Variants in C22orf23 observed in about 807,000 individuals in gnomAD.
The protein encoded by C22orf23 is UPF0193 protein EVG1.
C22orf23 carries 30 observed loss-of-function variants against 29.7 expected under a neutral mutation model. The observed-to-expected ratio is 1.01, with a 90% confidence interval of 0.76 to 1.37. C22orf23 has a LOEUF of 1.37. Among genes scored for constraint, C22orf23 ranks in the 40% most tolerant of loss-of-function variants. The pLI is 0.00. For missense variants in C22orf23, 237 were observed against 273.1 expected (o/e 0.87, Z 0.93); for synonymous variants, 90 against 96.1 (o/e 0.94, Z 0.37).
intron 3 of C22orf23, among the ~76,000 whole-genome samples, chr22:37,949,449 A>ATTTT (rs71195070): frequency 4.2e-5 from 3 of 70,920 alleles, no homozygotes; most frequent in African/African-American, 5.9e-5. Flanking sequence ...CGCCTGGCTA[A>ATTTT]TTTTTTTTTT....
At position 37,950,261 on chromosome 22, in the gene C22orf23, C is replaced by T. The variant is rs545338851; in HGVS notation, c.166+1199G>A. 7.9e-5 allele frequency among the ~76,000 whole-genome samples: 12 copies of T among 151,390 alleles called. No individual in the cohort carries two copies. In the South Asian group the frequency reaches 1.5e-3, roughly 19 times the overall value. On this transcript the variant is annotated intron_variant, in intron 3 of 6. Transcript: ENST00000403305. Reference sequence around the variant, plus strand: ...CTGAGTAGCTGGTATTACAGGCATCCGCCATCATGCCCAGCTAATTTTTGT... The same window carrying T: ...CTGAGTAGCTGGTATTACAGGCATCTGCCATCATGCCCAGCTAATTTTTGT...
At chr22:37,950,703 G>A (rs953101155) in intron 3 of C22orf23, among the ~76,000 whole-genome samples, 58 of 151,870 alleles carry the variant, frequency 3.8e-4, no homozygotes, top group Middle Eastern at 3.4e-3. Flanking sequence ...TCAGGAGTTC[G>A]AGACCAGCCT....
In C22orf23 at chr22:37,953,045, A is replaced by AG; in HGVS notation, c.103+1_103+2insC. 2 of 1,607,864 alleles carry AG rather than the reference A, an allele frequency of 1.2e-6. No homozygotes were observed. Among genetic ancestry groups the AG allele is most frequent in the Non-Finnish European group, 1.7e-6 (2 of 1,176,872 alleles). Reference sequence around the variant, plus strand: ...CTGGGATCGCTGCTTTAACGGACTGACCTCTGAGCAGCTCGCAGGTCCCCG... The same window carrying AG: ...CTGGGATCGCTGCTTTAACGGACTGAGCCTCTGAGCAGCTCGCAGGTCCCCG... On this transcript the variant is annotated splice_donor_variant, in intron 2 of 6. Coordinates refer to ENST00000403305, the MANE Select transcript of C22orf23 (RefSeq NM_032561.5). LOFTEE classifies it high-confidence loss of function.
intron 3 of C22orf23, among the ~76,000 whole-genome samples, chr22:37,949,038 G>A (rs1400024903): frequency 2.0e-5 from 3 of 152,014 alleles, no homozygotes; most frequent in Non-Finnish European, 4.4e-5. Flanking sequence ...AAACATTCTT[G>A]TACATCAAAT....
chr22:37,953,612 A>G (rs528109225), upstream of C22orf23: 5 of 711,066 alleles, frequency 7.0e-6, no homozygotes, highest in East Asian at 2.9e-5. Flanking sequence ...AGAAACGCGC[A>G]CACACCAGTC....
intron 2 of C22orf23, chr22:37,951,827 T>TTTTTTTTTTTTTTTTTTTTTC (rs1931050500): frequency 7.1e-6 from 1 of 141,814 alleles, no homozygotes; most frequent in Non-Finnish European, 1.4e-5. Context: ...TTTTTTTTTT[T>TTTTTTTTTTTTTTTTTTTTTC]TTTTTGAGAT....
intron 3 of C22orf23, among the ~76,000 whole-genome samples, chr22:37,947,782 G>A (rs1052394199): frequency 2.7e-5 from 4 of 149,348 alleles, no homozygotes; most frequent in Admixed American, 1.3e-4. Context: ...TAGGATTATA[G>A]GCATGAGCTA....
At chr22:37,946,578 C>CAAA (rs891945997) in intron 4 of C22orf23, among the ~76,000 whole-genome samples, 4 of 54,852 alleles carry the variant, frequency 7.3e-5, no homozygotes, top group African/African-American at 2.0e-4. Flanking sequence ...GACACTGTCT[C>CAAA]AAAAAAAAAA....
At chr22:37,952,841 A>G in intron 2 of C22orf23, 2 of 488,250 alleles carry the variant, frequency 4.1e-6, no homozygotes, top group Admixed American at 3.8e-5. Flanking sequence ...AGATTCTCAT[A>G]GGAGCGCGAA....
At chr22:37,951,977 G>T (rs1044260379) in intron 2 of C22orf23, among the ~76,000 whole-genome samples, 1 of 151,344 alleles carries the variant, frequency 6.6e-6, no homozygotes, top group African/African-American at 2.4e-5. Flanking sequence ...CACCACGCCC[G>T]GCTAATTTTG....
intron 3 of C22orf23, among the ~76,000 whole-genome samples, chr22:37,949,204 C>G (rs1930871141): frequency 6.6e-6 from 1 of 152,050 alleles, no homozygotes; most frequent in Non-Finnish European, 1.5e-5. Context: ...CCCAGGCGAT[C>G]CAAGTGTGTC....
Position 37,944,207 on chromosome 22 carries a change from C to T in C22orf23, c.622G>A (p.Glu208Lys). 2 of 1,614,234 alleles carry T rather than the reference C, an allele frequency of 1.2e-6. No homozygotes were observed. The highest frequency in any genetic ancestry group is 1.7e-6 in the Non-Finnish European group (2 of 1,180,050). Reference protein sequence around the residue: ...EMEDIDHRRSEELRKGLATT With the variant: ...EMEDIDHRRSKELRKGLATT ...GTGGCAAGACCCTTCCTAAGTTCCT[C>T]ACTCCTTCTGTGGTCAATGTCTTCC... is the stretch of plus-strand genomic sequence containing the variant. Residue 208 changes from glutamate to lysine, a missense_variant, in exon 7 of 7, where the codon GAG becomes AAG. Coordinates refer to ENST00000403305, the MANE Select transcript of C22orf23 (RefSeq NM_032561.5).
intron 1 of C22orf23, 63 bp from the exon 2 acceptor site, chr22:37,953,221 C>T: frequency 8.7e-7 from 1 of 1,144,252 alleles, no homozygotes; most frequent in Non-Finnish European, 1.3e-6. Context: ...TGTTCCCCGA[C>T]GCCCAACACC....
At position 37,950,153 on chromosome 22, in the gene C22orf23, C is replaced by T. The variant is rs2145706425; in HGVS notation, c.166+1307G>A. On this transcript the variant is annotated intron_variant, in intron 3 of 6. Transcript: ENST00000403305. The stretch of plus-strand genomic sequence containing the variant: ...TTTGAGACGATGTCTTGCTCTGTCA[C>T]CCACACTGGAGTGCAGTGGTATGGT... Among the ~76,000 whole-genome samples, 2 of 152,028 alleles carry T rather than the reference C, an allele frequency of 1.3e-5. 1 individual carries two copies. Among genetic ancestry groups the T allele is most frequent in the South Asian group, 4.1e-4 (2 of 4,822 alleles).
At chr22:37,950,482 CCA>C (rs1192986171) in intron 3 of C22orf23, among the ~76,000 whole-genome samples, 2 of 152,080 alleles carry the variant, frequency 1.3e-5, no homozygotes, top group Non-Finnish European at 2.9e-5. Flanking sequence ...ACTCGGTCGC[CCA>C]GGCTGGAGTG....
At chr22:37,945,954 A>C (rs1038407421) in intron 4 of C22orf23, among the ~76,000 whole-genome samples, 1 of 151,776 alleles carries the variant, frequency 6.6e-6, no homozygotes, top group Non-Finnish European at 1.5e-5. Context: ...TCTACTAAAA[A>C]TACAAAAAAT....
intron 2 of C22orf23, chr22:37,951,795 C>CTCTTTTTTTTTTTTTT (rs1931034564): frequency 1.1e-5 from 1 of 87,712 alleles, no homozygotes; most frequent in South Asian, 4.1e-4. Flanking sequence ...TTTCCTCTTT[C>CTCTTTTTTTTTTTTTT]TCTTTTTTTT....
chr22:37,947,202 C>T, intron 4 of C22orf23, 79 bp downstream of exon 4: 2 of 1,478,188 alleles, frequency 1.4e-6, no homozygotes, highest in Non-Finnish European at 1.9e-6. Flanking sequence ...TCCCACCTGC[C>T]CTGTGGGCTG....
intron 4 of C22orf23, 93 bp from the exon 5 acceptor site, chr22:37,945,266 G>T: frequency 1.3e-6 from 2 of 1,483,110 alleles, no homozygotes; most frequent in South Asian, 2.7e-5. Flanking sequence ...GCTGCAGGGT[G>T]CCTGGTCATG....
Sources: allele counts gnomAD v4.1 joint callset (sites outside exome capture counted in the v4.1 genomes callset), GRCh38; gene constraint gnomAD v4.1.1; transcripts MANE v1.5; gene names NCBI Gene and HGNC (gene_info 2026-07-23, HGNC 2026-07-21).